DNER: variants seen among roughly 807,000 people sequenced by gnomAD.
The protein encoded by DNER is delta/notch like EGF repeat containing.
In DNER, 33 loss-of-function variants were observed where a neutral mutation model predicts 78.2. The ratio of observed to expected loss-of-function variants is 0.42; its 90% confidence interval spans 0.32 to 0.56. The LOEUF (loss-of-function observed/expected upper bound fraction) is 0.56, where lower values mean the gene tolerates loss of function less well. Ranked by LOEUF, DNER falls within the 20% of genes least tolerant of loss-of-function variation. The pLI is 0.11. For missense variants in DNER, 918 were observed against 975.3 expected (o/e 0.94, Z 0.78); for synonymous variants, 417 against 384.8 (o/e 1.08, Z -0.98).
intron 1 of DNER, among the ~76,000 whole-genome samples, chr2:229,684,167 A>AGTGTGTGTGT (rs1362937188): frequency 3.9e-5 from 4 of 103,180 alleles, no homozygotes; most frequent in African/African-American, 7.8e-5. Flanking sequence ...AGAGAGAGAG[A>AGTGTGTGTGT]GAGTGTGTGT....
At chr2:229,391,288 T>C (rs1185876305) in intron 10 of DNER, among the ~76,000 whole-genome samples, 1 of 152,030 alleles carries the variant, frequency 6.6e-6, no homozygotes, top group Non-Finnish European at 1.5e-5. Flanking sequence ...TATTTTATTA[T>C]AAGAGTTCTT....
intron 1 of DNER, among the ~76,000 whole-genome samples, chr2:229,698,773 T>C (rs1293360094): frequency 6.6e-6 from 1 of 152,198 alleles, no homozygotes; most frequent in African/African-American, 2.4e-5. Context: ...TAAAGGTTTA[T>C]TTGGGGCCTC....
At chr2:229,671,616 A>G (rs1699210305) in intron 1 of DNER, among the ~76,000 whole-genome samples, 1 of 152,178 alleles carries the variant, frequency 6.6e-6, no homozygotes, top group Admixed American at 6.5e-5. Context: ...CACAGTGTCC[A>G]CAACATATTG....
At chr2:229,567,482 G>A (rs1195039294) in intron 4 of DNER, among the ~76,000 whole-genome samples, 2 of 152,206 alleles carry the variant, frequency 1.3e-5, no homozygotes, top group Non-Finnish European at 2.9e-5. Context: ...GAGACAAAGT[G>A]GCAGAGAGAA....
intron 1 of DNER, among the ~76,000 whole-genome samples, chr2:229,705,174 T>C (rs1249126951): frequency 6.6e-6 from 1 of 152,214 alleles, no homozygotes; most frequent in Non-Finnish European, 1.5e-5. Flanking sequence ...TTTCTTCTCT[T>C]GTGATTTCTT....
At chr2:229,404,341 C>T (rs530576932) in intron 10 of DNER, among the ~76,000 whole-genome samples, 1 of 152,240 alleles carries the variant, frequency 6.6e-6, no homozygotes, top group African/African-American at 2.4e-5. Flanking sequence ...GCAGAAGGCA[C>T]CTCTTCACAG....
intron 1 of DNER, among the ~76,000 whole-genome samples, chr2:229,592,392 T>A (rs975831174): frequency 1.3e-5 from 2 of 152,346 alleles, no homozygotes; most frequent in Admixed American, 1.3e-4. Flanking sequence ...TCAACAATAC[T>A]TTTTAAGGTG....
intron 1 of DNER, among the ~76,000 whole-genome samples, chr2:229,712,954 A>G (rs1449467937): frequency 6.6e-6 from 1 of 152,232 alleles, no homozygotes; most frequent in East Asian, 1.9e-4. Context: ...AAGTTTCTCA[A>G]TCCCATTTAC....
At chr2:229,439,208 T>A (rs1694185987) in intron 8 of DNER, among the ~76,000 whole-genome samples, 2 of 152,234 alleles carry the variant, frequency 1.3e-5, no homozygotes, top group South Asian at 4.1e-4. Context: ...GCACCCATTA[T>A]TCAAGAATGC....
chr2:229,495,019 C>T lies in DNER; in HGVS notation c.1147+17764G>A, dbSNP rs144963187. Among the ~76,000 whole-genome samples, 812 of 152,300 alleles carry T rather than the reference C, an allele frequency of 5.3e-3. 5 individuals carry two copies. The highest frequency in any genetic ancestry group is 0.019 in the African/African-American group (774 of 41,542). ...CCTCAGCCACAACCTTAAGTATTCT[C>T]TTCAGAACAACTTTCTCATTTTTTT... On this transcript the variant is annotated intron_variant, in intron 6 of 12. Coordinates refer to ENST00000341772, the MANE Select transcript of DNER (RefSeq NM_139072.4).
At chr2:229,534,074 G>A (rs1391407251) in intron 5 of DNER, among the ~76,000 whole-genome samples, 1 of 152,194 alleles carries the variant, frequency 6.6e-6, no homozygotes, top group Non-Finnish European at 1.5e-5. Flanking sequence ...ACACAAGACA[G>A]ACATTATAGA....
intron 8 of DNER, among the ~76,000 whole-genome samples, chr2:229,436,073 C>T (rs900149412): frequency 1.3e-5 from 2 of 152,062 alleles, no homozygotes; most frequent in African/African-American, 4.8e-5. Context: ...AAGTATAGTA[C>T]ACAGTAAGTA....
At chr2:229,378,445 G>T in intron 11 of DNER, among the ~76,000 whole-genome samples, 1 of 152,176 alleles carries the variant, frequency 6.6e-6, no homozygotes, top group East Asian at 1.9e-4. Context: ...AGGCAGGGAT[G>T]ACCTTGACCT....
chr2:229,664,756 CA>C (rs889746386), intron 1 of DNER, among the ~76,000 whole-genome samples: 152 of 152,114 alleles, frequency 1.0e-3, no homozygotes, highest in Non-Finnish European at 6.6e-4. Flanking sequence ...TGCTTTCCTT[CA>C]AAAAAGAATA....
intron 11 of DNER, among the ~76,000 whole-genome samples, chr2:229,379,266 A>T (rs993859551): frequency 2.0e-5 from 3 of 152,182 alleles, no homozygotes; most frequent in Non-Finnish European, 2.9e-5. Flanking sequence ...AAGATCAACC[A>T]GTATTTATTT....
At chr2:229,642,213 A>T (rs1698638002) in intron 1 of DNER, among the ~76,000 whole-genome samples, 1 of 152,200 alleles carries the variant, frequency 6.6e-6, no homozygotes, top group African/African-American at 2.4e-5. Context: ...TACCTAAGAC[A>T]TTTTACTGTA....
At chr2:229,376,861 G>A (rs1190218819) in intron 11 of DNER, among the ~76,000 whole-genome samples, 4 of 152,094 alleles carry the variant, frequency 2.6e-5, no homozygotes, top group Non-Finnish European at 5.9e-5. Flanking sequence ...AAACATCTTG[G>A]TTTATACAAA....
chr2:229,614,915 G>A (rs1218180493), intron 1 of DNER, among the ~76,000 whole-genome samples: 2 of 152,192 alleles, frequency 1.3e-5, no homozygotes, highest in African/African-American at 2.4e-5. Flanking sequence ...TGTATGTATA[G>A]TTGCTTTTAT....
At chr2:229,707,932 A>C (rs1402232476) in intron 1 of DNER, among the ~76,000 whole-genome samples, 1 of 152,212 alleles carries the variant, frequency 6.6e-6, no homozygotes, top group East Asian at 1.9e-4. Context: ...TCTAAGCCAT[A>C]GCAACTTTCA....
Sources: allele counts gnomAD v4.1 joint callset (sites outside exome capture counted in the v4.1 genomes callset), GRCh38; gene constraint gnomAD v4.1.1; transcripts MANE v1.5; gene names NCBI Gene and HGNC (gene_info 2026-07-23, HGNC 2026-07-21).